Variants in PLXDC1 observed in about 807,000 individuals in gnomAD.
PLXDC1 encodes the protein plexin domain containing 1, also known as plexin domain-containing protein 1.
In PLXDC1, 39 loss-of-function variants were observed where a neutral mutation model predicts 61.3. The ratio of observed to expected loss-of-function variants is 0.64; its 90% CI spans 0.49 to 0.83. The LOEUF is 0.83. PLXDC1 is among the 40% of genes least tolerant of loss of function. The pLI is 0.00. For synonymous variants in PLXDC1, 212 were observed against 254.5 expected (o/e 0.83, Z 1.59); for missense variants, 596 against 666.5 (o/e 0.89, Z 1.17).
intron 2 of PLXDC1, among the ~76,000 whole-genome samples, chr17:39,129,669 G>C (rs568141414): frequency 2.8e-4 from 15 of 53,338 alleles, no homozygotes; most frequent in Non-Finnish European, 4.8e-4. Context: ...AAGAAAGAAA[G>C]AGAGAGAGAG....
At chr17:39,068,318 A>G (rs372432025) in intron 13 of PLXDC1, among the ~76,000 whole-genome samples, 9 of 152,212 alleles carry the variant, frequency 5.9e-5, no homozygotes, top group African/African-American at 2.2e-4. Flanking sequence ...TGAGGCTCTG[A>G]AAATGCCAAG....
intron 9 of PLXDC1, chr17:39,079,715 G>A (rs1268980533): frequency 2.7e-6 from 1 of 367,798 alleles, no homozygotes; most frequent in Admixed American, 3.4e-5. Flanking sequence ...AAGCGCCCCT[G>A]TAGGGAAAGG....
In PLXDC1 at chr17:39,139,678, C is replaced by T; in HGVS notation, c.231G>A (p.Leu77=). ...LGGGTLAMDT[L]PDNRTRVVED... ...CCACCACCCTGGTCCTGTTATCTGG[C>T]AGCGTGTCCATGGCCAGGGTGCCCC... Residue 77 remains leucine, a synonymous_variant, in exon 2 of 14, where the codon CTG becomes CTA. Transcript: ENST00000315392. 1 of 1,613,556 alleles carries T rather than the reference C, an allele frequency of 6.2e-7. No homozygotes were observed. Among genetic ancestry groups the T allele is most frequent in the Middle Eastern group, 1.7e-4 (1 of 5,826 alleles).
At chr17:39,143,817 G>C (rs1201322060) in intron 1 of PLXDC1, among the ~76,000 whole-genome samples, 2 of 152,250 alleles carry the variant, frequency 1.3e-5, no homozygotes, top group East Asian at 3.8e-4. Context: ...GCTGCCCACA[G>C]ATGGACATGA....
At chr17:39,137,898 T>A (rs1346432121) in intron 2 of PLXDC1, among the ~76,000 whole-genome samples, 1 of 151,928 alleles carries the variant, frequency 6.6e-6, no homozygotes, top group African/African-American at 2.4e-5. Context: ...CTCGGGGGGA[T>A]AAAGGAACTG....
At chr17:39,111,388 G>A (rs1339280949) in intron 2 of PLXDC1, among the ~76,000 whole-genome samples, 5 of 152,196 alleles carry the variant, frequency 3.3e-5, no homozygotes, top group Admixed American at 6.5e-5. Flanking sequence ...GGGTTCAAGC[G>A]ATTCTCGTGC....
At chr17:39,138,032 A>C (rs1435206463) in intron 2 of PLXDC1, among the ~76,000 whole-genome samples, 1 of 152,128 alleles carries the variant, frequency 6.6e-6, no homozygotes, top group Non-Finnish European at 1.5e-5. Flanking sequence ...GCCCAGGCTC[A>C]AGCAATCCTC....
At chr17:39,113,296 C>T (rs758760360) in intron 2 of PLXDC1, 1 of 152,196 alleles carries the variant, frequency 6.6e-6, no homozygotes, top group African/African-American at 2.4e-5. Context: ...AGACTTCTGG[C>T]CTCCAGAACT....
At chr17:39,092,261 G>A (rs969982475) in intron 7 of PLXDC1, among the ~76,000 whole-genome samples, 2 of 151,932 alleles carry the variant, frequency 1.3e-5, no homozygotes, top group Non-Finnish European at 1.5e-5. Flanking sequence ...TTTTAGTAGA[G>A]ATGGGTCTCC....
Position 39,087,677 on chromosome 17 carries a change from T to C in PLXDC1, c.837A>G (p.Glu279=), listed in dbSNP as rs1269262496. The C allele has an allele frequency of 6.2e-7, 1 of 1,613,960 alleles. No homozygotes were observed. The highest frequency in any genetic ancestry group is 1.3e-5 in the African/African-American group (1 of 75,026). ...VPESRRRSIF[E]YHRIELDPSK... ...TGGGGTCCAGCTCTATGCGGTGATA[T>C]TCAAAGATGCTCCTTCGCCGAGATT... Residue 279 remains glutamate, a synonymous_variant, in exon 8 of 14, where the codon GAA becomes GAG. Coordinates refer to ENST00000315392, the MANE Select transcript of PLXDC1 (RefSeq NM_020405.5).
intron 7 of PLXDC1, among the ~76,000 whole-genome samples, chr17:39,095,852 A>G (rs1386273562): frequency 6.6e-6 from 1 of 152,066 alleles, no homozygotes; most frequent in Non-Finnish European, 1.5e-5. Flanking sequence ...TTTAGTACAG[A>G]TGGGGTTTCA....
At chr17:39,086,859 C>CAAAAAAAAAAA (rs765774886) in intron 8 of PLXDC1, among the ~76,000 whole-genome samples, 758 of 71,442 alleles carry the variant, frequency 0.011, 51 homozygotes, top group Non-Finnish European at 0.013. Flanking sequence ...GAGACTGTCT[C>CAAAAAAAAAAA]AAAAAAAAAA....
At chr17:39,149,095 G>C (rs2045358271) in intron 1 of PLXDC1, among the ~76,000 whole-genome samples, 1 of 152,066 alleles carries the variant, frequency 6.6e-6, no homozygotes, top group Non-Finnish European at 1.5e-5. Context: ...CTGTCATCCT[G>C]GTCTCCCCTG....
chr17:39,106,236 A>G (rs906672911), intron 6 of PLXDC1, among the ~76,000 whole-genome samples: 6 of 150,832 alleles, frequency 4.0e-5, no homozygotes, highest in African/African-American at 1.5e-4. Flanking sequence ...TCCCTTCCCC[A>G]TCTAATGCAT....
chr17:39,134,952 T>G (rs1911695670), intron 2 of PLXDC1, among the ~76,000 whole-genome samples: 1 of 152,218 alleles, frequency 6.6e-6, no homozygotes. Context: ...GCAGCCACTT[T>G]ATGCGCCTGA....
intron 7 of PLXDC1, among the ~76,000 whole-genome samples, chr17:39,104,098 G>A (rs1182407064): frequency 6.6e-6 from 1 of 152,182 alleles, no homozygotes; most frequent in African/African-American, 2.4e-5. Context: ...ATTATAAAAT[G>A]CTGAGTTTTA....
chr17:39,074,547 C>T lies in PLXDC1; in HGVS notation c.1187-2062G>A, dbSNP rs973558073. ...GATAATAAAACTGGCAAACAGAACT[C>T]GCTACCTCTGTAGGACAGAGGACCT... On this transcript the variant is annotated intron_variant, in intron 11 of 13. Coordinates refer to ENST00000315392, the MANE Select transcript of PLXDC1 (RefSeq NM_020405.5). Among the ~76,000 whole-genome samples, 7 of 152,172 alleles carry T rather than the reference C, an allele frequency of 4.6e-5. No homozygotes were observed. The East Asian group carries it at 9.6e-4, about 21-fold the overall frequency.
intron 2 of PLXDC1, among the ~76,000 whole-genome samples, chr17:39,128,089 C>CACATATA (rs1221469686): frequency 2.9e-5 from 2 of 68,782 alleles, no homozygotes; most frequent in Non-Finnish European, 5.6e-5. Context: ...CTCTCTCTCT[C>CACATATA]TCTATGTGTA....
intron 2 of PLXDC1, 59 bp from the exon 3 acceptor site, chr17:39,109,450 ACT>A (rs1910718842): frequency 6.6e-7 from 1 of 1,523,956 alleles, no homozygotes; most frequent in Non-Finnish European, 8.8e-7. Context: ...GCCAGGACTG[ACT>A]CTCCGCCCTT....
Sources: gnomAD v4.1 joint callset for allele counts (sites outside exome capture counted in the v4.1 genomes callset) on GRCh38, gnomAD v4.1.1 for gene constraint, MANE v1.5 for transcripts, NCBI Gene and HGNC (gene_info 2026-07-23, HGNC 2026-07-21) for gene names.